The following MRTFA variants were observed in gnomAD, a reference collection of about 807,000 sequenced individuals.
The protein encoded by MRTFA is myocardin-related transcription factor A.
A neutral mutation model predicts 83.5 loss-of-function variants in MRTFA; 20 were observed. That is an observed-to-expected ratio of 0.24 (90% confidence interval 0.17 to 0.35). MRTFA has a LOEUF of 0.35. Among genes scored for constraint, MRTFA ranks in the 10% least tolerant of loss-of-function variants. The pLI is 1.00. For synonymous variants in MRTFA, 659 were observed against 541.2 expected (o/e 1.22, Z -3.02); for missense variants, 1,200 against 1,224.7 (o/e 0.98, Z 0.30).
chr22:40,603,716 G>T (rs1369123616), intron 1 of MRTFA, among the ~76,000 whole-genome samples: 1 of 151,560 alleles, frequency 6.6e-6, no homozygotes, highest in Non-Finnish European at 1.5e-5. Context: ...GAAGGAGGAG[G>T]TGTGGAGTAA....
At chr22:40,617,168 A>AGGAGGGAAGGAGGGAAGGAG (rs1271888952) in intron 1 of MRTFA, among the ~76,000 whole-genome samples, 2 of 80,896 alleles carry the variant, frequency 2.5e-5, no homozygotes, top group South Asian at 1.2e-3. Context: ...GAAGGAGGGA[A>AGGAGGGAAGGAGGGAAGGAG]GGAGGGAAGG....
At chr22:40,529,470 C>T (rs937409492) in intron 3 of MRTFA, among the ~76,000 whole-genome samples, 1 of 152,106 alleles carries the variant, frequency 6.6e-6, no homozygotes, top group African/African-American at 2.4e-5. Flanking sequence ...GCACCCACCA[C>T]CATGCCCGGC....
At chr22:40,584,425 G>A (rs1015309977) in intron 2 of MRTFA, among the ~76,000 whole-genome samples, 5 of 152,186 alleles carry the variant, frequency 3.3e-5, no homozygotes, top group African/African-American at 9.7e-5. Context: ...GGCTCAGCAC[G>A]TTATCTTGTC....
rs749760507 is a variant in MRTFA, at chr22:40,418,715, C to A, written c.2023G>T (p.Val675Leu). ...CTGGAGAAGCTGTTCTCCTGCTTCA[C>A]GGGGGTGCCGAGGGGGGCGGGGGCG... Residue 675 changes from valine to leucine, a missense_variant, in exon 12 of 15, where the codon GTG (valine) becomes TTG (leucine). This residue lies in a region of MRTFA where 1,107 missense variants were observed against 1,041.8 expected (regional missense o/e 1.06). Coordinates refer to ENST00000355630, the MANE Select transcript of MRTFA (RefSeq NM_020831.6). 2 of 496,416 alleles carry A rather than the reference C, an allele frequency of 4.0e-6. No individual in the cohort carries two copies. Among genetic ancestry groups the A allele is most frequent in the South Asian group, 4.2e-5 (2 of 47,168 alleles). The allele number at this position is 496,416 out of a possible 1,614,324, so 30.8% of individuals were successfully genotyped here. A position where few individuals can be genotyped will look rare whatever the true frequency, so the allele number is the denominator to read the frequency against.
intron 3 of MRTFA, among the ~76,000 whole-genome samples, chr22:40,536,432 G>A (rs1197675667): frequency 1.3e-4 from 20 of 149,754 alleles, no homozygotes; most frequent in Admixed American, 6.7e-4. Flanking sequence ...GCGGCTGGAG[G>A]AGCGGACGGG....
intron 4 of MRTFA, among the ~76,000 whole-genome samples, chr22:40,454,405 T>C (rs2053547872): frequency 6.6e-6 from 1 of 152,322 alleles, no homozygotes; most frequent in East Asian, 1.9e-4. Flanking sequence ...CATGAGCCAC[T>C]ACACCCAGCC....
rs2052499160 is a variant in MRTFA at position 40,410,791 on chromosome 22, AT to A, written c.*598del. 4.3e-6 allele frequency: 1 copy of A among 232,704 alleles called. No homozygotes were observed. Among genetic ancestry groups the A allele is most frequent in the African/African-American group, 2.2e-5 (1 of 45,240 alleles). The allele number at this position is 232,704 out of a possible 1,614,324, so 14.4% of individuals were successfully genotyped here. On this transcript the variant is annotated 3_prime_UTR_variant, in exon 15 of 15. Coordinates refer to ENST00000355630, the MANE Select transcript of MRTFA (RefSeq NM_020831.6). Reference sequence around the variant, plus strand: ...ATCTCCTGTCCGCCCCCCCCCAAAAATATATATGTATGTCGATATATAATAT... The same window carrying A: ...ATCTCCTGTCCGCCCCCCCCCAAAAAATATATGTATGTCGATATATAATAT...
intron 1 of MRTFA, among the ~76,000 whole-genome samples, chr22:40,599,063 CG>C (rs2056227184): frequency 6.7e-6 from 1 of 150,354 alleles, no homozygotes; most frequent in Non-Finnish European, 1.5e-5. Flanking sequence ...CTTGGGGGGC[CG>C]GGGCGGGCTG....
intron 3 of MRTFA, among the ~76,000 whole-genome samples, chr22:40,468,008 C>A (rs1053876891): frequency 3.9e-5 from 6 of 152,100 alleles, no homozygotes; most frequent in Admixed American, 3.3e-4. Flanking sequence ...AGTGAAAAAC[C>A]CTAGGTTCTC....
chr22:40,529,394 G>A (rs555676148), intron 3 of MRTFA, among the ~76,000 whole-genome samples: 1 of 152,024 alleles, frequency 6.6e-6, no homozygotes, highest in Non-Finnish European at 1.5e-5. Context: ...TCGGCTCACC[G>A]CAACCTCCAC....
intron 3 of MRTFA, among the ~76,000 whole-genome samples, chr22:40,473,318 C>T (rs913580930): frequency 1.3e-5 from 2 of 152,078 alleles, no homozygotes; most frequent in African/African-American, 4.8e-5. Context: ...TACCACCACA[C>T]CCAGCTAATT....
At chr22:40,569,716 AATACATACATACATAC>A (rs67146133) in intron 2 of MRTFA, 10,459 of 142,256 alleles carry the variant, frequency 0.074, 408 homozygotes, top group Non-Finnish European at 0.089. Context: ...CTCCATAATT[AATACATACATACATAC>A]ATACATACAT....
At chr22:40,460,378 C>T (rs899805152) in intron 4 of MRTFA, among the ~76,000 whole-genome samples, 1 of 152,220 alleles carries the variant, frequency 6.6e-6, no homozygotes, top group African/African-American at 2.4e-5. Context: ...TGCTTTTAGA[C>T]CCTGAACATA....
intron 4 of MRTFA, among the ~76,000 whole-genome samples, chr22:40,457,230 T>C (rs1207430435): frequency 6.6e-6 from 1 of 151,976 alleles, no homozygotes; most frequent in Admixed American, 6.6e-5. Context: ...CTGGGCGTGG[T>C]GGCCGGTCCC....
chr22:40,462,402 A>C (rs1040780174), intron 4 of MRTFA, among the ~76,000 whole-genome samples: 1 of 152,236 alleles, frequency 6.6e-6, no homozygotes, highest in Non-Finnish European at 1.5e-5. Context: ...ACAATGAGTT[A>C]AAGTGAAAAA....
intron 3 of MRTFA, among the ~76,000 whole-genome samples, chr22:40,502,674 C>T (rs1335051504): frequency 6.6e-6 from 1 of 150,912 alleles, no homozygotes; most frequent in Non-Finnish European, 1.5e-5. Context: ...AGGCTGCAAT[C>T]TCGGCACTTT....
intron 4 of MRTFA, among the ~76,000 whole-genome samples, chr22:40,461,204 C>CAAAAAAAAA (rs55733153): frequency 2.0e-5 from 1 of 50,294 alleles, no homozygotes; most frequent in Non-Finnish European, 3.6e-5. Flanking sequence ...GAACTTGTCT[C>CAAAAAAAAA]AAAAAAAAAA....
intron 3 of MRTFA, among the ~76,000 whole-genome samples, chr22:40,485,653 C>A (rs985049686): frequency 2.6e-5 from 4 of 152,116 alleles, no homozygotes; most frequent in African/African-American, 9.7e-5. Flanking sequence ...CTACCTATTC[C>A]TAGATGGAAG....
intron 1 of MRTFA, among the ~76,000 whole-genome samples, chr22:40,616,688 G>A (rs1024694574): frequency 6.6e-6 from 1 of 152,162 alleles, no homozygotes; most frequent in African/African-American, 2.4e-5. Flanking sequence ...AATGGGGAAC[G>A]TTGGAGCCAG....
Sources: allele counts gnomAD v4.1 joint callset (sites outside exome capture counted in the v4.1 genomes callset), GRCh38; gene constraint gnomAD v4.1.1; regional missense constraint gnomAD v4.1.1; transcripts MANE v1.5; gene names NCBI Gene and HGNC (gene_info 2026-07-23, HGNC 2026-07-21).